The following LRRC4C variants were observed in gnomAD, a reference collection of about 807,000 sequenced individuals.
LRRC4C encodes leucine-rich repeat-containing protein 4C.
LRRC4C carries 5 observed loss-of-function variants against 33.6 expected under a neutral mutation model. That is an observed-to-expected ratio of 0.15 (90% confidence interval 0.08 to 0.31). The LOEUF (loss-of-function observed/expected upper bound fraction) is 0.31. Among genes scored for constraint, LRRC4C ranks in the 10% least tolerant of loss-of-function variants. The pLI, the probability that LRRC4C is intolerant of heterozygous loss-of-function variation, is 1.00. For missense variants in LRRC4C, 560 were observed against 796.7 expected, an observed-to-expected ratio of 0.70 and a Z score of 3.58; for synonymous variants, 329 against 302.0, an observed-to-expected ratio of 1.09 and a Z score of -0.93.
chr11:41,158,263 T>C (rs965804951), intron 1 of LRRC4C, among the ~76,000 whole-genome samples: 2 of 152,166 alleles, frequency 1.3e-5, no homozygotes, highest in Non-Finnish European at 2.9e-5. Context: ...GCATGATTCC[T>C]GAGCACATGT....
intron 5 of LRRC4C, among the ~76,000 whole-genome samples, chr11:40,209,570 T>A (rs2135807040): frequency 6.6e-6 from 1 of 152,230 alleles, no homozygotes; most frequent in South Asian, 2.1e-4. Context: ...TGAGATGGAG[T>A]CTCGCTCTGT....
chr11:41,073,110 G>C (rs1369842792), intron 1 of LRRC4C, among the ~76,000 whole-genome samples: 1 of 152,126 alleles, frequency 6.6e-6, no homozygotes, highest in Non-Finnish European at 1.5e-5. Context: ...ACTTGCAGTT[G>C]TCATAGTCTG....
intron 4 of LRRC4C, among the ~76,000 whole-genome samples, chr11:40,256,338 C>T (rs999004): frequency 0.72 from 109,361 of 152,038 alleles, 41,528 homozygotes; most frequent in East Asian, 0.92. Flanking sequence ...TTTCTACTCT[C>T]GGAACTGGAA....
intron 2 of LRRC4C, 114 bp downstream of exon 2, chr11:40,933,521 G>C (rs1957730628): frequency 6.6e-6 from 1 of 152,092 alleles, no homozygotes; most frequent in African/African-American, 2.4e-5. Flanking sequence ...AGCTTATTTG[G>C]CCACTCTCTC....
chr11:40,990,477 T>G (rs1299733247), intron 1 of LRRC4C, among the ~76,000 whole-genome samples: 1 of 151,804 alleles, frequency 6.6e-6, no homozygotes, highest in Admixed American at 6.6e-5. Flanking sequence ...GAATTCAAAC[T>G]GAAAGAGTCT....
chr11:40,865,040 T>C (rs967963221), intron 2 of LRRC4C, among the ~76,000 whole-genome samples: 5 of 152,290 alleles, frequency 3.3e-5, no homozygotes, highest in Admixed American at 3.3e-4. Context: ...GTCTCGGCTA[T>C]TGTGACTAGT....
intron 1 of LRRC4C, among the ~76,000 whole-genome samples, chr11:40,936,326 T>C (rs1342415590): frequency 2.7e-5 from 4 of 148,694 alleles, no homozygotes; most frequent in African/African-American, 9.9e-5. Flanking sequence ...AACAATAGTA[T>C]CTAACACTTG....
chr11:40,657,018 T>G (rs1943155920), intron 2 of LRRC4C, among the ~76,000 whole-genome samples: 1 of 152,242 alleles, frequency 6.6e-6, no homozygotes, highest in African/African-American at 2.4e-5. Flanking sequence ...TTTAACAGGC[T>G]CTATTTGGCT....
chr11:40,791,221 T>A (rs1950610059), intron 2 of LRRC4C, among the ~76,000 whole-genome samples: 1 of 152,156 alleles, frequency 6.6e-6, no homozygotes, highest in African/African-American at 2.4e-5. Flanking sequence ...TAAAACAAAA[T>A]CATGGGGCCT....
At position 41,068,078 on chromosome 11, in the gene LRRC4C, A is replaced by G. The variant is rs1938391961; in HGVS notation, c.-495-134355T>C. On this transcript the variant is annotated intron_variant, in intron 1 of 6. Transcript: ENST00000528697. Reference sequence around the variant, plus strand: ...AGATCAGAACAGAACTGAAGGAGAAAGAGATATGAAAAACCCTTCAAAACA... The same window carrying G: ...AGATCAGAACAGAACTGAAGGAGAAGGAGATATGAAAAACCCTTCAAAACA... Among the ~76,000 whole-genome samples, 5 of 152,296 alleles carry G rather than the reference A, an allele frequency of 3.3e-5. No homozygotes were observed. The South Asian group carries it at 1.0e-3, about 32-fold the overall frequency.
chr11:40,315,070 A>G (rs1945509276), intron 4 of LRRC4C, among the ~76,000 whole-genome samples: 1 of 152,064 alleles, frequency 6.6e-6, no homozygotes, highest in Non-Finnish European at 1.5e-5. Flanking sequence ...TTCAACAAGA[A>G]GAAATAATAA....
At chr11:40,781,713 C>T (rs1799419749) in intron 2 of LRRC4C, among the ~76,000 whole-genome samples, 2 of 152,162 alleles carry the variant, frequency 1.3e-5, no homozygotes, top group South Asian at 4.1e-4. Context: ...CTCTTAGGGT[C>T]TTCCCCTGTA....
rs145626156 is a variant in LRRC4C, at chr11:40,141,540, C to G, written c.-95-687G>C. Among the ~76,000 whole-genome samples, 307 of 152,248 alleles carry G rather than the reference C, an allele frequency of 2.0e-3. 1 individual carries two copies. Among genetic ancestry groups the G allele is most frequent in the Non-Finnish European group, 3.6e-3 (245 of 68,016 alleles). The stretch of plus-strand genomic sequence containing the variant: ...ATTCCAACAAATACAGGTCTTCCAA[C>G]CTTGGAAATATAGTTGGTACAGACT... On this transcript the variant is annotated intron_variant, in intron 5 of 6. Transcript: ENST00000528697.
chr11:40,472,046 A>G (rs1005596701), intron 3 of LRRC4C, among the ~76,000 whole-genome samples: 2 of 152,142 alleles, frequency 1.3e-5, no homozygotes, highest in Non-Finnish European at 2.9e-5. Flanking sequence ...CTGTAATCCC[A>G]GCACTTTGGG....
chr11:40,388,999 T>G (rs576998792), intron 3 of LRRC4C, among the ~76,000 whole-genome samples: 1 of 152,290 alleles, frequency 6.6e-6, no homozygotes, highest in Non-Finnish European at 1.5e-5. Context: ...TGTCCTTCAA[T>G]TTCTTAGGGT....
intron 2 of LRRC4C, among the ~76,000 whole-genome samples, chr11:40,712,817 TTCATCCCAAAG>T (rs1188441510): frequency 6.6e-6 from 1 of 152,008 alleles, no homozygotes; most frequent in Non-Finnish European, 1.5e-5. Flanking sequence ...CCAAAGAGCA[TTCATCCCAAAG>T]TCATATTTAT....
intron 3 of LRRC4C, among the ~76,000 whole-genome samples, chr11:40,475,232 A>C (rs1953150718): frequency 6.6e-6 from 1 of 152,182 alleles, no homozygotes; most frequent in Non-Finnish European, 1.5e-5. Context: ...ACTGGTTAAA[A>C]AAATGTGGCA....
intron 2 of LRRC4C, among the ~76,000 whole-genome samples, chr11:40,843,847 T>G (rs1379796907): frequency 6.6e-6 from 1 of 152,182 alleles, no homozygotes; most frequent in Non-Finnish European, 1.5e-5. Context: ...GTTCAAAATA[T>G]TATTTGTTTA....
intron 1 of LRRC4C, among the ~76,000 whole-genome samples, chr11:41,267,661 G>C (rs914602035): frequency 2.0e-5 from 3 of 152,016 alleles, no homozygotes; most frequent in South Asian, 2.1e-4. Flanking sequence ...GCATGGAAAT[G>C]GTGCAGATTT....
Sources: gnomAD v4.1 joint callset for allele counts (sites outside exome capture counted in the v4.1 genomes callset) on GRCh38, gnomAD v4.1.1 for gene constraint, MANE v1.5 for transcripts, NCBI Gene and HGNC (gene_info 2026-07-23, HGNC 2026-07-21) for gene names.